PXDN: variants seen among roughly 807,000 people sequenced by gnomAD.
PXDN encodes peroxidasin, also known as peroxidasin homolog.
A neutral mutation model predicts 140.3 loss-of-function variants in PXDN; 77 were observed. The observed-to-expected ratio is 0.55, with a 90% CI of 0.46 to 0.66. The LOEUF (loss-of-function observed/expected upper bound fraction) is 0.66. Among genes scored for constraint, PXDN ranks in the 30% least tolerant of loss-of-function variants. The pLI, the probability that PXDN is intolerant of heterozygous loss-of-function variation, is 0.00. For synonymous variants in PXDN, 911 were observed against 857.4 expected (o/e 1.06, Z -1.09); for missense variants, 1,838 against 2,039.5 (o/e 0.90, Z 1.90).
intron 10 of PXDN, among the ~76,000 whole-genome samples, chr2:1,665,863 G>A (rs1325118122): frequency 1.3e-5 from 2 of 152,180 alleles, no homozygotes. Flanking sequence ...AAAGCTGTCT[G>A]CAAGGTGTAT....
Position 1,649,438 on chromosome 2 carries a change from A to G in PXDN, c.2342T>C (p.Ile781Thr), listed in dbSNP as rs754250989. 1.5e-5 allele frequency: 25 copies of G among 1,613,796 alleles called. No individual in the cohort carries two copies. The highest frequency in any genetic ancestry group is 3.3e-4 in the Middle Eastern group (2 of 6,084). Residue 781 changes from isoleucine (I) to threonine (T), a missense_variant, in exon 17 of 23, where the codon ATC becomes ACC. Transcript: ENST00000252804. This position sits in a 1 kb window ranked among gnomAD's most constrained non-coding sequence, Gnocchi z 7.1. ...YENGFNTPRGINPHRLYNGHA... is the reference protein window; with the variant it reads ...YENGFNTPRGTNPHRLYNGHA... Reference sequence around the variant, plus strand: ...CCCGTTGTACAGTCGGTGGGGGTTGATGCCCCGAGGGGTGTTGAAGCCATT... The same window carrying G: ...CCCGTTGTACAGTCGGTGGGGGTTGGTGCCCCGAGGGGTGTTGAAGCCATT...
At chr2:1,726,884 C>G (rs1685198686) in intron 1 of PXDN, among the ~76,000 whole-genome samples, 1 of 152,078 alleles carries the variant, frequency 6.6e-6, no homozygotes, top group Non-Finnish European at 1.5e-5. Flanking sequence ...TAACATAGAT[C>G]TATGTGAGTA....
At chr2:1,743,020 T>C (rs1426139448) in intron 1 of PXDN, among the ~76,000 whole-genome samples, 2 of 152,230 alleles carry the variant, frequency 1.3e-5, no homozygotes, top group South Asian at 2.1e-4. Flanking sequence ...GTGAAAACTA[T>C]TTTTGGCATG....
intron 1 of PXDN, among the ~76,000 whole-genome samples, chr2:1,732,441 A>G (rs1329806486): frequency 6.7e-6 from 1 of 148,680 alleles, no homozygotes; most frequent in Non-Finnish European, 1.5e-5. Flanking sequence ...GAAGGATCAC[A>G]GGGTCACACA....
intron 1 of PXDN, among the ~76,000 whole-genome samples, chr2:1,719,905 AGAGGGAGGGAGG>A (rs59906010): frequency 1.2e-5 from 1 of 81,758 alleles, no homozygotes; most frequent in Non-Finnish European, 2.5e-5. Context: ...ATTCAGAGAG[AGAGGGAGGGAGG>A]GATGCAGAGA....
At position 1,684,142 on chromosome 2, in the gene PXDN, G is replaced by T. The variant is rs750055892; in HGVS notation, c.426C>A (p.His142Gln). Residue 142 changes from histidine to glutamine, a missense_variant, in exon 5 of 23, where the codon CAC becomes CAA. His to Gln is a conservative substitution (Grantham distance 24, BLOSUM62 0). Coordinates refer to ENST00000252804, the MANE Select transcript of PXDN (RefSeq NM_012293.3). ...GGTCCAAAGTTTCTATCTGATTAAAGTGCAGGTATCTAGAGGAGTTAAAAG... is the reference window on the plus strand; with the variant it reads ...GGTCCAAAGTTTCTATCTGATTAAATTGCAGGTATCTAGAGGAGTTAAAAG... ...GLASLEQLYL[H>Q]FNQIETLDPD... is the part of the protein sequence containing the mutation. 3.0e-5 allele frequency: 47 copies of T among 1,581,724 alleles called. No homozygotes were observed. The highest frequency in any genetic ancestry group is 4.0e-5 in the Non-Finnish European group (46 of 1,162,924).
chr2:1,641,464 A>T (rs1682726236), intron 19 of PXDN, among the ~76,000 whole-genome samples: 1 of 152,188 alleles, frequency 6.6e-6, no homozygotes, highest in Non-Finnish European at 1.5e-5. Flanking sequence ...GTGTCTTTTT[A>T]AAAAGTTTAA....
rs937594609 is a variant in PXDN at position 1,729,099 on chromosome 2, C to G, written c.200+15157G>C. Among the ~76,000 whole-genome samples the G allele has an allele frequency of 3.9e-5, 6 of 152,308 alleles. No individual in the cohort carries two copies. In the South Asian group the frequency reaches 8.3e-4, roughly 21 times the overall value. On this transcript the variant is annotated intron_variant, in intron 1 of 22. Coordinates refer to ENST00000252804, the MANE Select transcript of PXDN (RefSeq NM_012293.3). ...AGGCAGAGATCAAACAAGACACAGA[C>G]AAGCCACACGGTGCGAACTGTCAGA...
Position 1,693,093 on chromosome 2 carries a change from G to A in PXDN, c.242C>T (p.Ala81Val). 1.3e-6 allele frequency: 2 copies of A among 1,559,194 alleles called. No individual in the cohort carries two copies. Among genetic ancestry groups the A allele is most frequent in the South Asian group, 1.2e-5 (1 of 84,592 alleles). The change falls in exon 2 of 23, where the codon GCA becomes GTA. Residue 81 changes from alanine to valine, a missense_variant. This residue lies in a region of PXDN where 231 missense variants were observed against 201.5 expected (regional missense o/e 1.15). Transcript: ENST00000252804. ...GTTCAAGTTCCTCAGCCGCCTGAAT[G>A]CCCCAGGTTGGATCTCTCTGATTCT... Reference protein sequence around the residue: ...FNRIREIQPGAFRRLRNLNTL... With the variant: ...FNRIREIQPGVFRRLRNLNTL...
intron 9 of PXDN, among the ~76,000 whole-genome samples, chr2:1,667,288 T>C (rs79107207): frequency 0.013 from 2,025 of 152,180 alleles, 55 homozygotes; most frequent in African/African-American, 0.046. Flanking sequence ...ATGGATTAGA[T>C]AGACTGCTAG....
intron 6 of PXDN, among the ~76,000 whole-genome samples, chr2:1,681,176 G>A (rs1683893479): frequency 6.6e-6 from 1 of 152,144 alleles, no homozygotes; most frequent in Non-Finnish European, 1.5e-5. Context: ...CTGGGGTGGA[G>A]CCCACAGAGG....
At chr2:1,669,354 G>C (rs559853151) in intron 9 of PXDN, among the ~76,000 whole-genome samples, 1 of 152,070 alleles carries the variant, frequency 6.6e-6, no homozygotes, top group Non-Finnish European at 1.5e-5. Flanking sequence ...AATGCCTGTC[G>C]GGCTTAAAAC....
intron 1 of PXDN, among the ~76,000 whole-genome samples, chr2:1,701,461 G>A (rs1256676579): frequency 2.0e-5 from 3 of 152,210 alleles, no homozygotes; most frequent in Non-Finnish European, 4.4e-5. Flanking sequence ...GCAGTCGCAG[G>A]AGAAATGGGT....
chr2:1,727,688 G>A (rs1685221037), intron 1 of PXDN, among the ~76,000 whole-genome samples: 1 of 152,090 alleles, frequency 6.6e-6, no homozygotes, highest in Non-Finnish European at 1.5e-5. Context: ...CCAACCCCCT[G>A]CCCACCAGAC....
At chr2:1,710,413 TAGG>T (rs934760600) in intron 1 of PXDN, among the ~76,000 whole-genome samples, 3 of 152,220 alleles carry the variant, frequency 2.0e-5, no homozygotes, top group East Asian at 3.9e-4. Flanking sequence ...GTGGTGGTAT[TAGG>T]AGGTGTGAAG....
At chr2:1,709,033 G>A (rs11673770) in intron 1 of PXDN, among the ~76,000 whole-genome samples, 102,031 of 152,070 alleles carry the variant, frequency 0.67, 34,516 homozygotes, top group Middle Eastern at 0.79. Flanking sequence ...TTCACCGCGG[G>A]AGGGAGCTGG....
rs770670747 is a variant in PXDN, at chr2:1,661,006, A to G, written c.1712T>C (p.Phe571Ser). Residue 571 changes from phenylalanine (F) to serine (S), a missense_variant, in exon 14 of 23, where the codon TTT becomes TCT. This residue lies in a region of PXDN where 537 missense variants were observed against 583.9 expected (regional missense o/e 0.92). Coordinates refer to ENST00000252804, the MANE Select transcript of PXDN (RefSeq NM_012293.3). ...CAAGAATCCTTCAGGGCTGATGTGA[A>G]ATTTTCCACTTTCTGTCACCTGAAC... is the stretch of plus-strand genomic sequence containing the variant. ...DGVQVTESGK[F>S]HISPEGFLTI... 1.2e-6 allele frequency: 2 copies of G among 1,614,006 alleles called. No individual in the cohort carries two copies. The highest frequency in any genetic ancestry group is 1.7e-6 in the Non-Finnish European group (2 of 1,179,900).
At chr2:1,671,449 A>G (rs919813967) in intron 9 of PXDN, among the ~76,000 whole-genome samples, 1 of 152,120 alleles carries the variant, frequency 6.6e-6, no homozygotes, top group Non-Finnish European at 1.5e-5. Context: ...TATATTAAAC[A>G]TCTCAAATAT....
At chr2:1,702,878 C>T (rs906906709) in intron 1 of PXDN, among the ~76,000 whole-genome samples, 2 of 152,222 alleles carry the variant, frequency 1.3e-5, no homozygotes, top group South Asian at 2.1e-4. Context: ...CCACGCACCT[C>T]GGCCTCTCAA....
Sources: gnomAD v4.1 joint callset for allele counts (sites outside exome capture counted in the v4.1 genomes callset) on GRCh38, gnomAD v4.1.1 for gene constraint, gnomAD v4.1.1 regional missense constraint, Gnocchi (gnomAD v3.1) non-coding constraint, MANE v1.5 for transcripts, NCBI Gene and HGNC (gene_info 2026-07-23, HGNC 2026-07-21) for gene names.